Variants in ECM2 observed in about 807,000 individuals in gnomAD.
ECM2 encodes extracellular matrix protein 2.
In ECM2, 57 loss-of-function variants were observed where a neutral mutation model predicts 67.5. The ratio of observed to expected loss-of-function variants is 0.84; its 90% CI spans 0.68 to 1.05. The LOEUF (loss-of-function observed/expected upper bound fraction) is 1.05. ECM2 is among the 50% of genes least tolerant of loss of function. ECM2 has a pLI of 0.00. For synonymous variants in ECM2, 258 were observed against 294.5 expected (o/e 0.88, Z 1.27); for missense variants, 741 against 822.8 (o/e 0.90, Z 1.22).
intron 7 of ECM2, 105 bp from the exon 8 acceptor site, chr9:92,502,757 T>C: frequency 1.0e-6 from 1 of 970,608 alleles, no homozygotes; most frequent in Non-Finnish European, 1.4e-6. Flanking sequence ...TAGTATTATC[T>C]AAAGAGTCTT....
chr9:92,505,482 A>G, intron 7 of ECM2, 51 bp downstream of exon 7: 6 of 1,429,960 alleles, frequency 4.2e-6, no homozygotes. Flanking sequence ...GTTGTAGTGT[A>G]CCATATTTCA....
At chr9:92,513,178 C>T (rs1210475470) in intron 4 of ECM2, among the ~76,000 whole-genome samples, 1 of 152,220 alleles carries the variant, frequency 6.6e-6, no homozygotes, top group Non-Finnish European at 1.5e-5. Flanking sequence ...CAGCCAGCCT[C>T]TCACACCTGG....
At chr9:92,550,043 G>A in the ECM2 span, among the ~76,000 whole-genome samples, 1 of 152,172 alleles carries the variant, frequency 6.6e-6, no homozygotes, top group Non-Finnish European at 1.5e-5. Flanking sequence ...AACAGAGACA[G>A]GACACATTGA....
At chr9:92,509,356 G>A (rs185954690) in intron 6 of ECM2, among the ~76,000 whole-genome samples, 218 of 152,336 alleles carry the variant, frequency 1.4e-3, no homozygotes, top group African/African-American at 4.8e-3. Flanking sequence ...CGCATATGCA[G>A]TGCCCATTTA....
chr9:92,547,507 G>A, the ECM2 span, among the ~76,000 whole-genome samples: 1 of 152,232 alleles, frequency 6.6e-6, no homozygotes, highest in Non-Finnish European at 1.5e-5. Context: ...TGCTGAAAGT[G>A]TCACCACATG....
chr9:92,524,912 G>A (rs1848300644), intron 1 of ECM2, among the ~76,000 whole-genome samples: 1 of 152,172 alleles, frequency 6.6e-6, no homozygotes, highest in African/African-American at 2.4e-5. Flanking sequence ...TCAAGGTGAT[G>A]TTACATACAG....
intron 1 of ECM2, among the ~76,000 whole-genome samples, chr9:92,526,187 C>T (rs570687875): frequency 3.9e-5 from 6 of 152,144 alleles, no homozygotes; most frequent in Non-Finnish European, 7.4e-5. Context: ...ATGATCCAGA[C>T]CCAATGAAGG....
chr9:92,552,183 T>C, the ECM2 span, among the ~76,000 whole-genome samples: 1 of 112,378 alleles, frequency 8.9e-6, no homozygotes, highest in Non-Finnish European at 1.7e-5. Flanking sequence ...ATGATAGATC[T>C]ATCATATACA....
At chr9:92,547,509 C>A in the ECM2 span, among the ~76,000 whole-genome samples, 1 of 152,226 alleles carries the variant, frequency 6.6e-6, no homozygotes, top group Admixed American at 6.5e-5. Context: ...CTGAAAGTGT[C>A]ACCACATGGA....
the ECM2 span, among the ~76,000 whole-genome samples, chr9:92,546,572 C>A: frequency 2.0e-5 from 3 of 152,042 alleles, no homozygotes; most frequent in East Asian, 1.9e-4. Context: ...CCTGAGCCAG[C>A]GAGACCACGA....
At chr9:92,495,079 T>C (rs1846285959), downstream of ECM2, among the ~76,000 whole-genome samples, 2 of 152,192 alleles carry the variant, frequency 1.3e-5, no homozygotes, top group African/African-American at 4.8e-5. Context: ...CTTTACATTC[T>C]TTTCTAGTTC....
chr9:92,549,804 A>G, the ECM2 span, among the ~76,000 whole-genome samples: 1 of 152,192 alleles, frequency 6.6e-6, no homozygotes, highest in Non-Finnish European at 1.5e-5. Flanking sequence ...AGTGGAGAAC[A>G]TAGATGTACG....
At chr9:92,498,046 C>G (rs765800963) in intron 9 of ECM2, among the ~76,000 whole-genome samples, 3 of 152,090 alleles carry the variant, frequency 2.0e-5, no homozygotes, top group Non-Finnish European at 4.4e-5. Flanking sequence ...CCTGAAGAAC[C>G]ATGAGCCAAA....
At chr9:92,548,459 T>C in the ECM2 span, among the ~76,000 whole-genome samples, 1 of 152,354 alleles carries the variant, frequency 6.6e-6, no homozygotes, top group East Asian at 1.9e-4. Flanking sequence ...TTAAAGATTT[T>C]ATTACTGCAT....
In ECM2 at chr9:92,500,769, A is replaced by C; in HGVS notation, c.1889T>G (p.Met630Arg). ...LKSIPPGIQEMKALHFLRLNN... is the reference protein window; with the variant it reads ...LKSIPPGIQERKALHFLRLNN... ...CAGCCTCAGAAAATGTAGTGCTTTC[A>C]TTTCTTGTATCCCAGGTGGTATAGA... The change falls in exon 9 of 10, where the codon ATG becomes AGG. Residue 630 changes from methionine (M) to arginine (R), a missense_variant. Transcript: ENST00000344604. The C allele has an allele frequency of 1.2e-6, 2 of 1,614,022 alleles. No homozygotes were observed. Among genetic ancestry groups the C allele is most frequent in the Non-Finnish European group, 1.7e-6 (2 of 1,179,904 alleles).
rs1847838803 is a variant in ECM2, at chr9:92,518,115, G to A, written c.293-240C>T. On this transcript the variant is annotated intron_variant, in intron 2 of 9. Coordinates refer to ENST00000344604, the MANE Select transcript of ECM2 (RefSeq NM_001393.4). ...AGTGAACTCCTCATGGTAACTTGGGGCTGAACTGCGCTTCCATTTTGTATC... is the reference window on the plus strand; with the variant it reads ...AGTGAACTCCTCATGGTAACTTGGGACTGAACTGCGCTTCCATTTTGTATC... Among the ~76,000 whole-genome samples, 3 of 152,138 alleles carry A rather than the reference G, an allele frequency of 2.0e-5. No homozygotes were observed. The South Asian group carries it at 6.2e-4, about 32-fold the overall frequency.
rs918395072 is a variant in ECM2, at chr9:92,500,716, C to G, written c.1931+11G>C. Reference sequence around the variant, plus strand: ...AAATTTAAACAGATACTTGAAAAAGCCAAAATTTACCGTATCTTGTTGTTG... The same window carrying G: ...AAATTTAAACAGATACTTGAAAAAGGCAAAATTTACCGTATCTTGTTGTTG... On this transcript the variant is annotated intron_variant, in intron 9 of 9. Coordinates refer to ENST00000344604, the MANE Select transcript of ECM2 (RefSeq NM_001393.4). 1.3e-6 allele frequency: 2 copies of G among 1,593,976 alleles called. No individual in the cohort carries two copies. The highest frequency in any genetic ancestry group is 1.7e-6 in the Non-Finnish European group (2 of 1,168,150).
the ECM2 span, among the ~76,000 whole-genome samples, chr9:92,544,845 A>G: frequency 6.6e-6 from 1 of 151,128 alleles, no homozygotes; most frequent in Non-Finnish European, 1.5e-5. Context: ...CCTCCCCAGT[A>G]GCTGGGAGTA....
intron 5 of ECM2, 87 bp from the exon 6 acceptor site, chr9:92,510,121 A>C: frequency 6.9e-7 from 1 of 1,445,582 alleles, no homozygotes; most frequent in Non-Finnish European, 9.2e-7. Flanking sequence ...TAAAAGTCTC[A>C]CAAACCTATC....
Sources: allele counts gnomAD v4.1 joint callset (sites outside exome capture counted in the v4.1 genomes callset), GRCh38; gene constraint gnomAD v4.1.1; transcripts MANE v1.5; gene names NCBI Gene and HGNC (gene_info 2026-07-23, HGNC 2026-07-21).